Variants in ASIP observed in about 807,000 individuals in gnomAD.
ASIP encodes agouti signaling protein.
ASIP carries 11 observed loss-of-function variants against 10.3 expected under a neutral mutation model. That is an observed-to-expected ratio of 1.07 (90% CI 0.68 to 1.78). ASIP has a LOEUF of 1.78. Among genes scored for constraint, ASIP ranks in the 40% most tolerant of loss-of-function variants. ASIP has a pLI of 0.00. For synonymous variants in ASIP, 70 were observed against 70.8 expected (o/e 0.99, Z 0.06); for missense variants, 180 against 169.2 (o/e 1.06, Z -0.35).
At chr20:34,198,912 A>G (rs1482542784) in intron 1 of ASIP, among the ~76,000 whole-genome samples, 1 of 152,212 alleles carries the variant, frequency 6.6e-6, no homozygotes, top group Non-Finnish European at 1.5e-5. Flanking sequence ...ACCAGCACCC[A>G]GAAGCCTCCT....
rs540193155 is a variant in ASIP, at chr20:34,251,526, G to A, written c.-10-8839G>A. Among the ~76,000 whole-genome samples, 9 of 152,058 alleles carry A rather than the reference G, an allele frequency of 5.9e-5. No homozygotes were observed. In the South Asian group the frequency reaches 6.2e-4, roughly 11 times the overall value. Reference sequence around the variant, plus strand: ...CCTGACCTCGTGATCCGTCCGCCTCGGCCTCCCAAAGTGCTGGGATTACAG... The same window carrying A: ...CCTGACCTCGTGATCCGTCCGCCTCAGCCTCCCAAAGTGCTGGGATTACAG... On this transcript the variant is annotated intron_variant, in intron 1 of 3. Transcript: ENST00000374954.
intron 1 of ASIP, among the ~76,000 whole-genome samples, chr20:34,252,723 TCTTTC>T (rs1434506678): frequency 2.0e-5 from 3 of 152,110 alleles, no homozygotes; most frequent in Non-Finnish European, 2.9e-5. Context: ...GATGGTAAGG[TCTTTC>T]CTTTCCCACG....
chr20:34,195,389 T>A (rs1459186055), intron 1 of ASIP, among the ~76,000 whole-genome samples: 1 of 152,148 alleles, frequency 6.6e-6, no homozygotes, highest in African/African-American at 2.4e-5. Context: ...AGTGGCTCTG[T>A]GAAAATGAGG....
chr20:34,216,336 C>G (rs1037872606), intron 1 of ASIP, among the ~76,000 whole-genome samples: 1 of 152,238 alleles, frequency 6.6e-6, no homozygotes, highest in Non-Finnish European at 1.5e-5. Flanking sequence ...CGCCAGCAGT[C>G]TCATGGAGAG....
At chr20:34,222,317 G>A (rs1273177166) in intron 1 of ASIP, among the ~76,000 whole-genome samples, 1 of 151,920 alleles carries the variant, frequency 6.6e-6, no homozygotes, top group Non-Finnish European at 1.5e-5. Context: ...GGATGAGGCT[G>A]TAACTGCTAT....
chr20:34,227,629 C>CAAAAAAAA (rs1207391194), intron 1 of ASIP, among the ~76,000 whole-genome samples: 1 of 82,646 alleles, frequency 1.2e-5, no homozygotes. Flanking sequence ...GGCTCCATCT[C>CAAAAAAAA]AAAAAAAAAA....
chr20:34,243,750 A>G (rs2035320121), intron 1 of ASIP, among the ~76,000 whole-genome samples: 1 of 143,696 alleles, frequency 7.0e-6, no homozygotes, highest in Admixed American at 6.8e-5. Context: ...TTTTTCTAAT[A>G]TTGTATTTAA....
chr20:34,238,004 T>A (rs1452095790), upstream of ASIP, among the ~76,000 whole-genome samples: 1 of 152,214 alleles, frequency 6.6e-6, no homozygotes, highest in Non-Finnish European at 1.5e-5. Context: ...TGATAAGAAA[T>A]CTGCTAATGA....
chr20:34,235,866 A>AAAGG lies in ASIP; in HGVS notation c.-10-24468_-10-24465dup, dbSNP rs551494077. ...GAAGGAAGGAAGGAAGGAAGGAAGG[A>AAAGG]AAGGAAGGAAGGAAGGAAGGAAGGA... On this transcript the variant is annotated intron_variant, in intron 1 of 3. Transcript: ENST00000568305. Among the ~76,000 whole-genome samples the AAAGG allele has an allele frequency of 2.0e-3, 75 of 36,892 alleles. 3 individuals are homozygous for AAAGG. The highest frequency in any genetic ancestry group is 2.2e-3 in the Admixed American group (8 of 3,582). 24.2% of individuals were successfully genotyped at this position (36,892 alleles called of 152,430 possible). A position where few individuals can be genotyped will look rare whatever the true frequency, so the allele number is the denominator to read the frequency against.
intron 2 of ASIP, among the ~76,000 whole-genome samples, chr20:34,262,079 C>T (rs911776898): frequency 6.6e-6 from 1 of 151,856 alleles, no homozygotes; most frequent in African/African-American, 2.4e-5. Context: ...CACCACTGTA[C>T]TCCAGCCTGG....
chr20:34,213,890 T>G, intron 1 of ASIP: 1 of 1,582,650 alleles, frequency 6.3e-7, no homozygotes, highest in Non-Finnish European at 8.6e-7. Flanking sequence ...CTAGTTCGAC[T>G]TGCAAATCCA....
intron 1 of ASIP, among the ~76,000 whole-genome samples, chr20:34,195,807 T>C (rs1426797247): frequency 6.6e-6 from 1 of 151,880 alleles, no homozygotes; most frequent in African/African-American, 2.4e-5. Flanking sequence ...TTTGTTTTGT[T>C]TGTTTTTTTT....
chr20:34,230,876 CG>C (rs2035118491), intron 1 of ASIP, among the ~76,000 whole-genome samples: 1 of 15,252 alleles, frequency 6.6e-5, no homozygotes, highest in Admixed American at 7.2e-4. Context: ...ACTTCTCAGA[CG>C]GGGCAGCTGC....
chr20:34,254,256 T>C (rs1329055283), intron 1 of ASIP, among the ~76,000 whole-genome samples: 1 of 152,204 alleles, frequency 6.6e-6, no homozygotes, highest in African/African-American at 2.4e-5. Flanking sequence ...AGAGACGAGC[T>C]ATCACCATGT....
intron 3 of ASIP, among the ~76,000 whole-genome samples, chr20:34,267,579 T>C (rs1320262844): frequency 6.6e-6 from 1 of 151,768 alleles, no homozygotes. Flanking sequence ...TTGCCCAGGC[T>C]GGAGTGCAAT....
chr20:34,192,343 G>C (rs540692125), upstream of ASIP, among the ~76,000 whole-genome samples: 1 of 152,142 alleles, frequency 6.6e-6, no homozygotes, highest in Non-Finnish European at 1.5e-5. Context: ...TTTCTTTTTT[G>C]AAACAGCGTC....
At chr20:34,255,428 T>C (rs971112145) in intron 1 of ASIP, among the ~76,000 whole-genome samples, 1 of 152,080 alleles carries the variant, frequency 6.6e-6, no homozygotes, top group African/African-American at 2.4e-5. Flanking sequence ...CCCAAGAGGC[T>C]GGGACCACAG....
At chr20:34,266,336 C>T (rs998021043) in intron 3 of ASIP, among the ~76,000 whole-genome samples, 2 of 148,592 alleles carry the variant, frequency 1.3e-5, no homozygotes, top group African/African-American at 2.5e-5. Context: ...GGTGACAGAG[C>T]GAGACTCCGT....
intron 1 of ASIP, chr20:34,213,634 G>A: frequency 1.3e-6 from 2 of 1,564,208 alleles, no homozygotes; most frequent in East Asian, 4.5e-5. Context: ...GTTGATAAGA[G>A]GAATGAACTC....
Sources: gnomAD v4.1 joint callset for allele counts (sites outside exome capture counted in the v4.1 genomes callset) on GRCh38, gnomAD v4.1.1 for gene constraint, MANE v1.5 for transcripts, NCBI Gene and HGNC (gene_info 2026-07-23, HGNC 2026-07-21) for gene names.